The following DR1 variants were observed in gnomAD, a reference collection of about 807,000 sequenced individuals.
DR1 encodes the protein protein Dr1.
DR1 carries 7 observed loss-of-function variants against 19.9 expected under a neutral mutation model. That is an observed-to-expected ratio of 0.35 (90% confidence interval 0.20 to 0.66). DR1 has a LOEUF of 0.66. Ranked by LOEUF, DR1 falls within the 30% of genes least tolerant of loss-of-function variation. The pLI is 0.66. For missense variants in DR1, 98 were observed against 203.7 expected, an observed-to-expected ratio of 0.48 and a Z score of 3.16; for synonymous variants, 76 against 72.5, an observed-to-expected ratio of 1.05 and a Z score of -0.24.
Position 93,368,450 on chromosome 1 carries a change from AT to A in DR1, c.*7813del, listed in dbSNP as rs1180030183. On this transcript the variant is annotated 3_prime_UTR_variant, in exon 3 of 3. Transcript: ENST00000370272. Reference sequence around the variant, plus strand: ...TTGGGAGTGGAAGGAGAGAGATAGTATTAGAAAGTATGTATGCAGCAAAGGA... The same window carrying A: ...TTGGGAGTGGAAGGAGAGAGATAGTATAGAAAGTATGTATGCAGCAAAGGA... 9.8e-5 allele frequency: 15 copies of A among 152,316 alleles called. No homozygotes were observed. Among genetic ancestry groups the A allele is most frequent in the African/African-American group, 3.6e-4 (15 of 41,586 alleles). The allele number at this position is 152,316 out of a possible 1,614,324, so 9.4% of individuals were successfully genotyped here.
At position 93,365,215 on chromosome 1, in the gene DR1, C is replaced by T. The variant is rs1466132314; in HGVS notation, c.*4576C>T. ...TACAGTGACTATTCACAGGCATAAT[C>T]ATAATGCACCATAGCCTCAAACTCC... On this transcript the variant is annotated 3_prime_UTR_variant, in exon 3 of 3. Transcript: ENST00000370272. 6.6e-6 allele frequency: 1 copy of T among 152,168 alleles called. No homozygotes were observed. Among genetic ancestry groups the T allele is most frequent in the Non-Finnish European group, 1.5e-5 (1 of 68,024 alleles). 9.4% of individuals were successfully genotyped at this position (152,168 alleles called of 1,614,324 possible). A position where few individuals can be genotyped will look rare whatever the true frequency, so the allele number is the denominator to read the frequency against.
At chr1:93,354,213 A>G (rs1481415591) in intron 2 of DR1, 142 bp downstream of exon 2, 7 of 712,350 alleles carry the variant, frequency 9.8e-6, no homozygotes, top group South Asian at 5.6e-5. Flanking sequence ...GAGCTGACCA[A>G]TTTGACTCTG....
chr1:93,356,218 A>G (rs1666980729), intron 2 of DR1, among the ~76,000 whole-genome samples: 1 of 128,960 alleles, frequency 7.8e-6, no homozygotes, highest in Non-Finnish European at 1.6e-5. Context: ...TACAAATAAA[A>G]TTTTATCAAT....
chr1:93,346,388 C>T lies in DR1; in HGVS notation c.-258C>T. ...TCAAATTTCCGGACCACCGCGCTTT[C>T]CCCTCCTCAGCCTGGGCTGTGCTCT... On this transcript the variant is annotated 5_prime_UTR_variant, in exon 1 of 3. Coordinates refer to ENST00000370272, the MANE Select transcript of DR1 (RefSeq NM_001938.3). The T allele has an allele frequency of 2.0e-6, 1 of 491,700 alleles. No homozygotes were observed. Among genetic ancestry groups the T allele is most frequent in the Non-Finnish European group, 3.7e-6 (1 of 270,570 alleles). The allele number at this position is 491,700 out of a possible 1,614,324, so 30.5% of individuals were successfully genotyped here. A position where few individuals can be genotyped will look rare whatever the true frequency, so the allele number is the denominator to read the frequency against.
At chr1:93,353,290 G>GT (rs917906978) in intron 1 of DR1, among the ~76,000 whole-genome samples, 14 of 151,484 alleles carry the variant, frequency 9.2e-5, no homozygotes, top group African/African-American at 3.4e-4. Flanking sequence ...TTTCAGCTAC[G>GT]TTTTTTTTGC....
Position 93,369,476 on chromosome 1 carries a change from TA to T in DR1, c.*8840del, listed in dbSNP as rs1667208250. The T allele has an allele frequency of 6.6e-6, 1 of 152,230 alleles. No homozygotes were observed. The highest frequency in any genetic ancestry group is 1.5e-5 in the Non-Finnish European group (1 of 68,032). 9.4% of individuals were successfully genotyped at this position (152,230 alleles called of 1,614,324 possible). ...ATGCAGAATATGAGAAGTTATTTTATAAAGTTGATTTGTGGTATAGGCTTTA... is the reference window on the plus strand; with the variant it reads ...ATGCAGAATATGAGAAGTTATTTTATAAGTTGATTTGTGGTATAGGCTTTA... On this transcript the variant is annotated 3_prime_UTR_variant, in exon 3 of 3. Coordinates refer to ENST00000370272, the MANE Select transcript of DR1 (RefSeq NM_001938.3).
Position 93,354,081 on chromosome 1 carries a change from T to C in DR1, c.384+10T>C, listed in dbSNP as rs772428369. 2 of 1,606,332 alleles carry C rather than the reference T, an allele frequency of 1.2e-6. No homozygotes were observed. Among genetic ancestry groups the C allele is most frequent in the South Asian group, 2.2e-5 (2 of 89,784 alleles). ...AGAATTATTTGCAAAAGTAAGTAAT[T>C]TATTTAAATTATTTTCCTCTGAATC... On this transcript the variant is annotated intron_variant, in intron 2 of 2. Coordinates refer to ENST00000370272, the MANE Select transcript of DR1 (RefSeq NM_001938.3).
rs1471677002 is a variant in DR1 at position 93,367,621 on chromosome 1, A to G, written c.*6982A>G. The G allele has an allele frequency of 6.6e-6, 1 of 152,268 alleles. No individual in the cohort carries two copies. Among genetic ancestry groups the G allele is most frequent in the African/African-American group, 2.4e-5 (1 of 41,466 alleles). The allele number at this position is 152,268 out of a possible 1,614,324, so 9.4% of individuals were successfully genotyped here. A position where few individuals can be genotyped will look rare whatever the true frequency, so the allele number is the denominator to read the frequency against. ...CATCTTTGGGAATTGAGAAGAAACCAGAATACCCAGAGAAAACTCATGCAG... is the reference window on the plus strand; with the variant it reads ...CATCTTTGGGAATTGAGAAGAAACCGGAATACCCAGAGAAAACTCATGCAG... On this transcript the variant is annotated 3_prime_UTR_variant, in exon 3 of 3. Coordinates refer to ENST00000370272, the MANE Select transcript of DR1 (RefSeq NM_001938.3).
chr1:93,356,635 G>C (rs1666989114), intron 2 of DR1, among the ~76,000 whole-genome samples: 1 of 151,916 alleles, frequency 6.6e-6, no homozygotes, highest in Non-Finnish European at 1.5e-5. Flanking sequence ...CCAACTTGTA[G>C]TTGATTAGAC....
intron 2 of DR1, among the ~76,000 whole-genome samples, chr1:93,359,631 G>A (rs934206684): frequency 6.6e-6 from 1 of 152,130 alleles, no homozygotes; most frequent in Non-Finnish European, 1.5e-5. Context: ...AGAGTCTAAT[G>A]GGAAATTGTA....
intron 1 of DR1, among the ~76,000 whole-genome samples, chr1:93,351,376 A>T (rs1006110854): frequency 4.6e-5 from 7 of 151,946 alleles, no homozygotes; most frequent in South Asian, 4.1e-4. Context: ...TTATATATTT[A>T]AAAAAAATTC....
rs376530381 is a variant in DR1, at chr1:93,354,752, G to A, written c.384+681G>A. ...ATTAGAACTGGGAAGTATCATTTTA[G>A]GTAAACTCTTCCAGGTTAGTCCTGT... On this transcript the variant is annotated intron_variant, in intron 2 of 2. Coordinates refer to ENST00000370272, the MANE Select transcript of DR1 (RefSeq NM_001938.3). Among the ~76,000 whole-genome samples the A allele has an allele frequency of 2.0e-5, 3 of 152,142 alleles. No homozygotes were observed. The East Asian group carries it at 5.8e-4, about 29-fold the overall frequency.
chr1:93,346,924 C>T (rs1183167174), intron 1 of DR1, 59 bp downstream of exon 1: 2 of 1,434,338 alleles, frequency 1.4e-6, no homozygotes, highest in Non-Finnish European at 1.9e-6. Context: ...CTGCTAATCG[C>T]GTGACCCTTT....
At chr1:93,348,508 A>G (rs931095398) in intron 1 of DR1, among the ~76,000 whole-genome samples, 2 of 152,186 alleles carry the variant, frequency 1.3e-5, no homozygotes, top group African/African-American at 4.8e-5. Flanking sequence ...CTAATAACAC[A>G]TTACAGTCTG....
chr1:93,360,675 G>T lies in DR1; in HGVS notation c.*36G>T. The T allele has an allele frequency of 1.3e-6, 2 of 1,567,344 alleles. No individual in the cohort carries two copies. Among genetic ancestry groups the T allele is most frequent in the Non-Finnish European group, 1.7e-6 (2 of 1,165,146 alleles). Reference sequence around the variant, plus strand: ...CTGAGTTTCTATTTCTTCTATAAATGTTTTTCCCTGCACAACAAAAACAGT... The same window carrying T: ...CTGAGTTTCTATTTCTTCTATAAATTTTTTTCCCTGCACAACAAAAACAGT... On this transcript the variant is annotated 3_prime_UTR_variant, in exon 3 of 3. Coordinates refer to ENST00000370272, the MANE Select transcript of DR1 (RefSeq NM_001938.3).
At position 93,366,688 on chromosome 1, in the gene DR1, A is replaced by G. The variant is rs185074079; in HGVS notation, c.*6049A>G. 9 of 152,346 alleles carry G rather than the reference A, an allele frequency of 5.9e-5. No individual in the cohort carries two copies. The East Asian group carries it at 1.3e-3, about 23-fold the overall frequency. 9.4% of individuals were successfully genotyped at this position (152,346 alleles called of 1,614,324 possible). Reference sequence around the variant, plus strand: ...ACATTGAGATTAATATGAGCTTTATATACATTTAAAAAGGATAAAAACAAG... The same window carrying G: ...ACATTGAGATTAATATGAGCTTTATGTACATTTAAAAAGGATAAAAACAAG... On this transcript the variant is annotated 3_prime_UTR_variant, in exon 3 of 3. Coordinates refer to ENST00000370272, the MANE Select transcript of DR1 (RefSeq NM_001938.3).
Position 93,369,164 on chromosome 1 carries a change from A to T in DR1, c.*8525A>T, listed in dbSNP as rs1009996825. Reference sequence around the variant, plus strand: ...GATGACTGTAATATAATAACATCTAACAAGTGAAGGATTTGAACCCCAATG... The same window carrying T: ...GATGACTGTAATATAATAACATCTATCAAGTGAAGGATTTGAACCCCAATG... On this transcript the variant is annotated 3_prime_UTR_variant, in exon 3 of 3. Transcript: ENST00000370272. The T allele has an allele frequency of 6.6e-6, 1 of 152,168 alleles. No homozygotes were observed. Among genetic ancestry groups the T allele is most frequent in the African/African-American group, 2.4e-5 (1 of 41,442 alleles). The allele number at this position is 152,168 out of a possible 1,614,324, so 9.4% of individuals were successfully genotyped here. A position where few individuals can be genotyped will look rare whatever the true frequency, so the allele number is the denominator to read the frequency against.
rs143260419 is a variant in DR1 at position 93,355,723 on chromosome 1, T to C, written c.384+1652T>C. On this transcript the variant is annotated intron_variant, in intron 2 of 2. Coordinates refer to ENST00000370272, the MANE Select transcript of DR1 (RefSeq NM_001938.3). ...CTCCCTTGTTTCTTACCCTGACTTATGTATGAAGATCTCTAGTATTTCTTT... is the reference window on the plus strand; with the variant it reads ...CTCCCTTGTTTCTTACCCTGACTTACGTATGAAGATCTCTAGTATTTCTTT... The C allele has an allele frequency of 7.4e-4, 113 of 152,354 alleles. 1 individual carries two copies. In the East Asian group the frequency reaches 0.018, roughly 25 times the overall value. 9.4% of individuals were successfully genotyped at this position (152,354 alleles called of 1,614,324 possible). A position where few individuals can be genotyped will look rare whatever the true frequency, so the allele number is the denominator to read the frequency against.
Position 93,369,491 on chromosome 1 carries a change from G to A in DR1, c.*8852G>A, listed in dbSNP as rs1402612467. On this transcript the variant is annotated 3_prime_UTR_variant, in exon 3 of 3. Coordinates refer to ENST00000370272, the MANE Select transcript of DR1 (RefSeq NM_001938.3). ...AGTTATTTTATAAAGTTGATTTGTGGTATAGGCTTTACATATGTCTTTTCT... is the reference window on the plus strand; with the variant it reads ...AGTTATTTTATAAAGTTGATTTGTGATATAGGCTTTACATATGTCTTTTCT... 2 of 152,166 alleles carry A rather than the reference G, an allele frequency of 1.3e-5. No homozygotes were observed. Among genetic ancestry groups the A allele is most frequent in the East Asian group, 3.8e-4 (2 of 5,200 alleles). 9.4% of individuals were successfully genotyped at this position (152,166 alleles called of 1,614,324 possible). A position where few individuals can be genotyped will look rare whatever the true frequency, so the allele number is the denominator to read the frequency against.
Sources: allele counts gnomAD v4.1 joint callset (sites outside exome capture counted in the v4.1 genomes callset), GRCh38; gene constraint gnomAD v4.1.1; transcripts MANE v1.5; gene names NCBI Gene and HGNC (gene_info 2026-07-23, HGNC 2026-07-21).